The following MYBPC3 variants were observed in gnomAD, a reference collection of about 807,000 sequenced individuals.
MYBPC3 encodes the protein myosin binding protein C3.
In MYBPC3, 108 loss-of-function variants were observed where a neutral mutation model predicts 159.3. The ratio of observed to expected loss-of-function variants is 0.68; its 90% CI spans 0.58 to 0.80. MYBPC3 has a LOEUF of 0.80. Ranked by LOEUF, MYBPC3 falls within the 30% of genes least tolerant of loss-of-function variation. The pLI is 0.00. For synonymous variants in MYBPC3, 730 were observed against 702.0 expected (o/e 1.04, Z -0.63); for missense variants, 1,631 against 1,762.1 (o/e 0.93, Z 1.33).
chr11:47,345,379 TA>T (rs1294037203), intron 12 of MYBPC3, among the ~76,000 whole-genome samples: 5 of 152,166 alleles, frequency 3.3e-5, no homozygotes, highest in African/African-American at 1.2e-4. Context: ...GGCAGAGGGA[TA>T]AGGGGCCTGG....
chr11:47,334,866 C>T lies in MYBPC3; in HGVS notation c.2905+176G>A, dbSNP rs116529207. Among the ~76,000 whole-genome samples, 299 of 152,258 alleles carry T rather than the reference C, an allele frequency of 2.0e-3. 1 individual carries two copies. The highest frequency in any genetic ancestry group is 6.4e-3 in the African/African-American group (266 of 41,554). ...GCTTGAGCCACTGTGCCTGGCCACCCTCTCTGCACTTTTTCCCTAGGCCTA... is the reference window on the plus strand; with the variant it reads ...GCTTGAGCCACTGTGCCTGGCCACCTTCTCTGCACTTTTTCCCTAGGCCTA... On this transcript the variant is annotated intron_variant, in intron 27 of 34. Coordinates refer to ENST00000545968, the MANE Select transcript of MYBPC3 (RefSeq NM_000256.3).
rs1315113225 is a variant in MYBPC3 at position 47,346,367 on chromosome 11, G to A, written c.930C>T (p.Asp310=). The part of the protein sequence containing the change: ...KKRDSFRTPR[D]SKLEAPAEED... Reference sequence around the variant, plus strand: ...CCTCTGCTGGTGCCTCCAGCTTCGAGTCCCTGTGTCCCGCAGTCTAGGCTG... The same window carrying A: ...CCTCTGCTGGTGCCTCCAGCTTCGAATCCCTGTGTCCCGCAGTCTAGGCTG... Residue 310 remains aspartate (D), a synonymous_variant, in exon 12 of 35, where the codon GAC becomes GAT. Coordinates refer to ENST00000545968, the MANE Select transcript of MYBPC3 (RefSeq NM_000256.3). The surrounding 1 kb of genome is among the most constrained non-coding windows in gnomAD (Gnocchi z 5.3). 1.9e-6 allele frequency: 3 copies of A among 1,579,614 alleles called. No homozygotes were observed. The highest frequency in any genetic ancestry group is 1.7e-6 in the Non-Finnish European group (2 of 1,161,230).
intron 5 of MYBPC3, among the ~76,000 whole-genome samples, chr11:47,349,076 C>A (rs2095897647): frequency 1.3e-5 from 2 of 151,328 alleles, no homozygotes; most frequent in African/African-American, 4.9e-5. Flanking sequence ...GAAATACAGG[C>A]TTTTGTGCAA....
chr11:47,352,602 C>T, intron 1 of MYBPC3, 21 bp downstream of exon 1: 6 of 1,603,196 alleles, frequency 3.7e-6, no homozygotes, highest in Non-Finnish European at 5.1e-6. Context: ...CACTTAGACC[C>T]AACCCCAGTC....
In MYBPC3 at chr11:47,333,318, G is replaced by C; in HGVS notation, c.3206C>G (p.Pro1069Arg). The C allele has an allele frequency of 6.3e-7, 1 of 1,582,734 alleles. No individual in the cohort carries two copies. Among genetic ancestry groups the C allele is most frequent in the Non-Finnish European group, 8.6e-7 (1 of 1,162,866 alleles). ...GGCGTCAGTCACCCGGAGATCCTGG[G>C]GAGGACTTGGCTTGTCTGCGGGAGA... Reference protein sequence around the residue: ...VLQVVDKPSPPQDLRVTDAWG... With the variant: ...VLQVVDKPSPRQDLRVTDAWG... Residue 1069 changes from proline to arginine, a missense_variant, in exon 30 of 35, where the codon CCC becomes CGC. Transcript: ENST00000545968.
chr11:47,337,691 C>G lies in MYBPC3; in HGVS notation c.2412G>C (p.Leu804=). 1 of 1,586,326 alleles carries G rather than the reference C, an allele frequency of 6.3e-7. No homozygotes were observed. The highest frequency in any genetic ancestry group is 8.6e-7 in the Non-Finnish European group (1 of 1,166,452). The part of the protein sequence containing the change: ...PPAYDGGQPI[L]GYILERKKKK... ...TCCATCCGGTGCCCTTGCACTCACC[C>G]AGGATGGGCTGCCCGCCATCGTAGG... Residue 804 remains leucine (L), a splice_region_variant and synonymous_variant, in exon 24 of 35, where the codon CTG becomes CTC. Coordinates refer to ENST00000545968, the MANE Select transcript of MYBPC3 (RefSeq NM_000256.3).
Position 47,337,444 on chromosome 11 carries a change from T to C in MYBPC3, c.2549A>G (p.Asn850Ser). 3 of 1,612,306 alleles carry C rather than the reference T, an allele frequency of 1.9e-6. No individual in the cohort carries two copies. The highest frequency in any genetic ancestry group is 2.2e-5 in the South Asian group (2 of 91,072). The change falls in exon 25 of 35, where the codon AAC becomes AGC. Residue 850 changes from asparagine (N) to serine (S), a missense_variant. Asn to Ser is a conservative substitution (Grantham distance 46). Coordinates refer to ENST00000545968, the MANE Select transcript of MYBPC3 (RefSeq NM_000256.3). ...VVYEMRVYAV[N>S]AIGMSRPSPA... ...GCTGGGCCTGGACATGCCGATGGCG[T>C]TGACCGCGTAGACGCGCATCTCGTA...
Position 47,338,696 on chromosome 11 carries a change from T to C in MYBPC3, c.2149-17A>G. On this transcript the variant is annotated splice_polypyrimidine_tract_variant and intron_variant, in intron 22 of 34. Coordinates refer to ENST00000545968, the MANE Select transcript of MYBPC3 (RefSeq NM_000256.3). The surrounding 1 kb of genome is among the most constrained non-coding windows in gnomAD (Gnocchi z 4.7). ...ACACAGCAGCTGGGGGGGTGCAGAGTTGGGGTGAGATCCAAGTCAGACCCC... is the reference window on the plus strand; with the variant it reads ...ACACAGCAGCTGGGGGGGTGCAGAGCTGGGGTGAGATCCAAGTCAGACCCC... 1.3e-6 allele frequency: 2 copies of C among 1,599,384 alleles called. No homozygotes were observed. The highest frequency in any genetic ancestry group is 1.7e-6 in the Non-Finnish European group (2 of 1,172,836).
In MYBPC3 at chr11:47,335,075, TG is replaced by T. The variant is rs2095880923; in HGVS notation, c.2871del (p.Thr958ProfsTer5). The T allele has an allele frequency of 6.3e-7, 1 of 1,591,622 alleles. No homozygotes were observed. On this transcript the variant is annotated frameshift_variant, in exon 27 of 35. Coordinates refer to ENST00000545968, the MANE Select transcript of MYBPC3 (RefSeq NM_000256.3). LOFTEE classifies it high-confidence loss of function. ...HNMAGPGAPV[T>X]TTEPVTVQEI... ...TCCTGCACTGTCACCGGCTCCGTGG[TG>T]GTAACAGGGGCTCCAGGCCCTGCCA...
At chr11:47,341,595 C>T (rs968555838) in intron 18 of MYBPC3, among the ~76,000 whole-genome samples, 2 of 152,184 alleles carry the variant, frequency 1.3e-5, no homozygotes, top group South Asian at 4.1e-4. Context: ...GGGCCTCTGG[C>T]CAGAGCCGGC....
intron 26 of MYBPC3, 70 bp downstream of exon 26, chr11:47,335,807 T>C: frequency 7.6e-7 from 1 of 1,315,112 alleles, no homozygotes; most frequent in Non-Finnish European, 9.9e-7. Flanking sequence ...TGACTACAGG[T>C]GAATCTGCTC....
rs752595474 is a variant in MYBPC3 at position 47,333,634 on chromosome 11, A to T, written c.3113T>A (p.Val1038Glu). The T allele has an allele frequency of 2.5e-6, 4 of 1,607,628 alleles. No individual in the cohort carries two copies. In the South Asian group the frequency reaches 4.4e-5, roughly 18 times the overall value. The part of the protein sequence containing the change: ...TILFIRAARR[V>E]HSGTYQVTVR... ...CGTCACCTGGTAAGTGCCTGAATGC[A>T]CGCGGCGAGCGGCCCGGATGAACAG... The change falls in exon 29 of 35, where the codon GTG (valine) becomes GAG (glutamate). Residue 1038 changes from valine (V) to glutamate (E), a missense_variant. By Grantham distance (121) the Val-to-Glu change is moderately radical. Transcript: ENST00000545968.
Position 47,335,691 on chromosome 11 carries a change from T to C in MYBPC3, c.2737+186A>G, listed in dbSNP as rs1224328529. ...GCTCAAAGAAGTGTTACAGTCAGCT[T>C]TACTCTGCATTTGTTTTTCACTAGG... On this transcript the variant is annotated intron_variant, in intron 26 of 34. Coordinates refer to ENST00000545968, the MANE Select transcript of MYBPC3 (RefSeq NM_000256.3). 3.3e-5 allele frequency: 17 copies of C among 512,586 alleles called. No individual in the cohort carries two copies. In the African/African-American group the frequency reaches 3.4e-4, roughly 10 times the overall value. 31.8% of individuals were successfully genotyped at this position (512,586 alleles called of 1,614,324 possible). A position where few individuals can be genotyped will look rare whatever the true frequency, so the allele number is the denominator to read the frequency against.
At chr11:47,350,146 T>C (rs762945458) in intron 3 of MYBPC3, 34 bp from the exon 4 acceptor site, 12 of 1,542,484 alleles carry the variant, frequency 7.8e-6, no homozygotes, top group South Asian at 1.2e-5. Flanking sequence ...TTGTTTGAGA[T>C]GGAGTCTTGC....
Position 47,334,015 on chromosome 11 carries a change from G to A in MYBPC3, c.2906-5C>T, listed in dbSNP as rs1595842091. ...GCAGCTGAAGCCGTGGCCGTTCTGTGGGTATAGAGTGGGTAGCTAAGTGAG... is the reference window on the plus strand; with the variant it reads ...GCAGCTGAAGCCGTGGCCGTTCTGTAGGTATAGAGTGGGTAGCTAAGTGAG... On this transcript the variant is annotated splice_polypyrimidine_tract_variant and splice_region_variant and intron_variant, in intron 27 of 34. Transcript: ENST00000545968. 3.2e-6 allele frequency: 5 copies of A among 1,572,236 alleles called. No individual in the cohort carries two copies. The highest frequency in any genetic ancestry group is 3.5e-6 in the Non-Finnish European group (4 of 1,158,640).
chr11:47,333,873 A>G (rs2142851775), intron 28 of MYBPC3, 49 bp downstream of exon 28: 1 of 1,554,140 alleles, frequency 6.4e-7, no homozygotes, highest in South Asian at 1.2e-5. Context: ...TGGGAACAAC[A>G]CACTATAGCC....
In MYBPC3 at chr11:47,333,948, G is replaced by C. The variant is rs776100156; in HGVS notation, c.2968C>G (p.Pro990Ala). 6.3e-7 allele frequency: 1 copy of C among 1,581,634 alleles called. No homozygotes were observed. The highest frequency in any genetic ancestry group is 8.6e-7 in the Non-Finnish European group (1 of 1,163,982). The change falls in exon 28 of 35, where the codon CCT becomes GCT. Residue 990 changes from proline to alanine, a missense_variant. By Grantham distance (27) the Pro-to-Ala change is conservative (BLOSUM62 -1). Transcript: ENST00000545968. ...TGGAAAGGGATGAGAAGGTTCACAG[G>C]CTCCCCGACCTTCTTCTGAATGGTC... The part of the protein sequence containing the change: ...RQTIQKKVGE[P>A]VNLLIPFQGK...
Position 47,342,627 on chromosome 11 carries a change from A to G in MYBPC3, c.1575T>C (p.Tyr525=). 6.2e-7 allele frequency: 1 copy of G among 1,613,914 alleles called. No homozygotes were observed. Among genetic ancestry groups the G allele is most frequent in the Non-Finnish European group, 8.5e-7 (1 of 1,179,858 alleles). The change falls in exon 17 of 35, where the codon TAT becomes TAC. Residue 525 remains tyrosine, a synonymous_variant. Coordinates refer to ENST00000545968, the MANE Select transcript of MYBPC3 (RefSeq NM_000256.3). ...CCTGGCCCCCGCTAGTGCACAGTGC[A>G]TAGTGCCCCGCGTCCTCCAGCATGG... ...NEAMLEDAGH[Y]ALCTSGGQAL...
At chr11:47,337,859 G>A (rs754279078) in intron 23 of MYBPC3, 65 bp from the exon 24 acceptor site, 110 of 1,411,776 alleles carry the variant, frequency 7.8e-5, no homozygotes, top group Non-Finnish European at 1.0e-4. Flanking sequence ...AACGTTGCTC[G>A]TCCCCTTCCC....
Sources: allele counts gnomAD v4.1 joint callset (sites outside exome capture counted in the v4.1 genomes callset), GRCh38; gene constraint gnomAD v4.1.1; non-coding constraint Gnocchi (gnomAD v3.1); transcripts MANE v1.5; gene names NCBI Gene and HGNC (gene_info 2026-07-23, HGNC 2026-07-21).